SRGAP3: variants seen among roughly 807,000 people sequenced by gnomAD.
The protein encoded by SRGAP3 is SLIT-ROBO Rho GTPase activating protein 3, also known as SLIT-ROBO Rho GTPase-activating protein 3.
SRGAP3 carries 39 observed loss-of-function variants against 121.1 expected under a neutral mutation model. The observed-to-expected ratio is 0.32, with a 90% CI of 0.25 to 0.42. SRGAP3 has a LOEUF of 0.42. SRGAP3 is among the 10% of genes least tolerant of loss of function. The probability of loss-of-function intolerance (pLI) is 1.00; values close to 1 mark genes in which losing one functional copy is unlikely to be tolerated. For missense variants in SRGAP3, 1,213 were observed against 1,470.6 expected (o/e 0.82, Z 2.86); for synonymous variants, 601 against 570.0 (o/e 1.05, Z -0.77).
At chr3:9,227,122 C>T (rs1256051364) in intron 1 of SRGAP3, among the ~76,000 whole-genome samples, 2 of 152,170 alleles carry the variant, frequency 1.3e-5, no homozygotes, top group Non-Finnish European at 2.9e-5. Flanking sequence ...AGAATGAGGG[C>T]CCAGTGTTCC....
intron 3 of SRGAP3, among the ~76,000 whole-genome samples, chr3:9,318,699 C>T (rs1215773447): frequency 2.0e-5 from 3 of 150,500 alleles, no homozygotes; most frequent in Non-Finnish European, 4.4e-5. Context: ...CATAGCAAGA[C>T]CCCATCTGTA....
At chr3:9,112,824 C>T (rs1452295180) in intron 2 of SRGAP3, among the ~76,000 whole-genome samples, 1 of 152,228 alleles carries the variant, frequency 6.6e-6, no homozygotes, top group Non-Finnish European at 1.5e-5. Flanking sequence ...TTTGTCCCCT[C>T]TCTAGCTTAT....
chr3:9,136,312 C>A (rs1453205960), intron 1 of SRGAP3, among the ~76,000 whole-genome samples: 2 of 151,992 alleles, frequency 1.3e-5, no homozygotes, highest in Non-Finnish European at 2.9e-5. Context: ...AGGATCCGTG[C>A]GCCCAGCGCC....
chr3:9,080,744 T>G (rs2125266484), intron 3 of SRGAP3, among the ~76,000 whole-genome samples: 1 of 152,164 alleles, frequency 6.6e-6, no homozygotes, highest in East Asian at 1.9e-4. Context: ...CGAACCCTGG[T>G]GTGAACTGCG....
chr3:9,306,650 C>A (rs1955166154), intron 3 of SRGAP3, among the ~76,000 whole-genome samples: 6 of 152,170 alleles, frequency 3.9e-5, no homozygotes, highest in Admixed American at 2.0e-4. Flanking sequence ...CCAGTTTTCC[C>A]AGCACCATTT....
In SRGAP3 at chr3:9,102,051, G is replaced by A. The variant is rs114645211; in HGVS notation, c.423+2629C>T. On this transcript the variant is annotated intron_variant, in intron 3 of 21. Coordinates refer to ENST00000383836, the MANE Select transcript of SRGAP3 (RefSeq NM_014850.4). ...GGCCCAAGCCAGAAGATAGGCACAG[G>A]ACAGACACCTGGCCTAGAAGCCGCT... Among the ~76,000 whole-genome samples the A allele has an allele frequency of 5.8e-3, 886 of 152,346 alleles. 6 individuals are homozygous for A. The highest frequency in any genetic ancestry group is 0.016 in the African/African-American group (662 of 41,572).
intron 1 of SRGAP3, among the ~76,000 whole-genome samples, chr3:9,212,598 C>T (rs959830141): frequency 6.6e-6 from 1 of 152,034 alleles, no homozygotes; most frequent in Non-Finnish European, 1.5e-5. Flanking sequence ...GCCTGTAATC[C>T]CAGCTACTCG....
At chr3:9,215,615 T>A (rs1190333673) in intron 1 of SRGAP3, among the ~76,000 whole-genome samples, 1 of 152,176 alleles carries the variant, frequency 6.6e-6, no homozygotes, top group East Asian at 1.9e-4. Context: ...GTGGACCCAG[T>A]AAGGAAGATC....
At chr3:9,028,186 G>A (rs765911302) in intron 12 of SRGAP3, 18 of 1,609,126 alleles carry the variant, frequency 1.1e-5, no homozygotes, top group Non-Finnish European at 1.5e-5. Context: ...AGATTATGCA[G>A]GAATAAGATC....
Position 8,982,160 on chromosome 3 carries a change from C to A in SRGAP3, c.*3359G>T, listed in dbSNP as rs1200082805. 1 of 225,954 alleles carries A rather than the reference C, an allele frequency of 4.4e-6. No homozygotes were observed. Among genetic ancestry groups the A allele is most frequent in the Non-Finnish European group, 8.8e-6 (1 of 113,276 alleles). The allele number at this position is 225,954 out of a possible 1,614,324, so 14.0% of individuals were successfully genotyped here. ...AGACCAGGAATTAATTGTCTTTGGT[C>A]AGTTTTAAATGAACAACTTGCTGGT... is the stretch of plus-strand genomic sequence containing the variant. On this transcript the variant is annotated 3_prime_UTR_variant, in exon 22 of 22. Coordinates refer to ENST00000383836, the MANE Select transcript of SRGAP3 (RefSeq NM_014850.4).
chr3:9,115,804 T>C (rs1381815397), intron 2 of SRGAP3, among the ~76,000 whole-genome samples: 2 of 152,178 alleles, frequency 1.3e-5, no homozygotes, highest in South Asian at 2.1e-4. Flanking sequence ...TTTTTTTAAC[T>C]TAAATTTATT....
At chr3:9,231,498 A>G (rs187428832) in intron 1 of SRGAP3, among the ~76,000 whole-genome samples, 5 of 152,338 alleles carry the variant, frequency 3.3e-5, no homozygotes, top group African/African-American at 1.2e-4. Flanking sequence ...ATTCCTTTAA[A>G]TAGAAATGGA....
At chr3:9,286,968 T>C (rs1045619983) in intron 3 of SRGAP3, among the ~76,000 whole-genome samples, 11 of 150,146 alleles carry the variant, frequency 7.3e-5, no homozygotes, top group African/African-American at 2.7e-4. Context: ...TCGTTTGCCT[T>C]GTCCACACAC....
In SRGAP3 at chr3:9,013,744, G is replaced by A; in HGVS notation, c.1912C>T (p.Leu638Phe). The change falls in exon 16 of 22, where the codon CTC (leucine) becomes TTC (phenylalanine). Residue 638 changes from leucine (L) to phenylalanine (F), a missense_variant. Around this residue, in one of 2 missense-constraint regions of SRGAP3, gnomAD observed 793 missense variants for 1,032.9 expected, o/e 0.77. Coordinates refer to ENST00000383836, the MANE Select transcript of SRGAP3 (RefSeq NM_014850.4). Reference sequence around the variant, plus strand: ...CCTTGGCCAGACACTCACTGGTTGAGGAAAGCGAAGAGGTATCTCATGACC... The same window carrying A: ...CCTTGGCCAGACACTCACTGGTTGAAGAAAGCGAAGAGGTATCTCATGACC... ...IVVMRYLFAF[L>F]NHLSQYSDEN... 6.2e-7 allele frequency: 1 copy of A among 1,614,216 alleles called. No homozygotes were observed.
intron 3 of SRGAP3, among the ~76,000 whole-genome samples, chr3:9,319,366 T>A (rs143200399): frequency 6.6e-6 from 1 of 151,908 alleles, no homozygotes; most frequent in East Asian, 1.9e-4. Context: ...GGGATGTGTG[T>A]TAGGAAATCA....
chr3:9,069,427 A>G (rs1433308899), intron 4 of SRGAP3, among the ~76,000 whole-genome samples: 2 of 152,174 alleles, frequency 1.3e-5, no homozygotes, highest in African/African-American at 4.8e-5. Flanking sequence ...TGAACTGGGG[A>G]TGTCTGAAGG....
chr3:9,216,798 G>C (rs1242465899), intron 1 of SRGAP3: 3 of 152,360 alleles, frequency 2.0e-5, no homozygotes, highest in Non-Finnish European at 2.9e-5. Flanking sequence ...AACGTGATGC[G>C]GCCTCTACGC....
At chr3:9,065,298 G>A (rs1157700209) in intron 4 of SRGAP3, 1 of 152,204 alleles carries the variant, frequency 6.6e-6, no homozygotes, top group Non-Finnish European at 1.5e-5. Flanking sequence ...TATTACAGGG[G>A]AAATTTCTGA....
At chr3:9,341,542 AG>A (rs1288285682) in intron 1 of SRGAP3, among the ~76,000 whole-genome samples, 1 of 152,212 alleles carries the variant, frequency 6.6e-6, no homozygotes, top group African/African-American at 2.4e-5. Context: ...TTGGGAGAAG[AG>A]GTCAGCAGCA....
Sources: allele counts gnomAD v4.1 joint callset (sites outside exome capture counted in the v4.1 genomes callset), GRCh38; gene constraint gnomAD v4.1.1; regional missense constraint gnomAD v4.1.1; transcripts MANE v1.5; gene names NCBI Gene and HGNC (gene_info 2026-07-23, HGNC 2026-07-21).